Variants in ZNF529 observed in about 807,000 individuals in gnomAD.
The protein encoded by ZNF529 is zinc finger protein 529.
Under a neutral mutation model 10.1 loss-of-function variants are expected in ZNF529, and 11 were observed. The ratio of observed to expected loss-of-function variants is 1.09; its 90% CI spans 0.69 to 1.81. The LOEUF (loss-of-function observed/expected upper bound fraction) is 1.81, where lower values mean the gene tolerates loss of function less well. Ranked by LOEUF, ZNF529 falls within the 40% of genes most tolerant of loss-of-function variation. ZNF529 has a pLI of 0.00. For missense variants in ZNF529, 624 were observed against 666.8 expected, an observed-to-expected ratio of 0.94 and a Z score of 0.71; for synonymous variants, 204 against 215.7, an observed-to-expected ratio of 0.95 and a Z score of 0.47.
Position 36,548,114 on chromosome 19 carries a change from A to G in ZNF529, c.444T>C (p.Asn148=). The part of the protein sequence containing the change: ...YFSQMKIISE[N]VPSYKTHESL... The stretch of plus-strand genomic sequence containing the variant: ...ATTCATGAGTTTTGTAACTGGGCAC[A>G]TTTTCAGAGATGATTTTCATTTGAC... The change falls in exon 5 of 5, where the codon AAT becomes AAC. Residue 148 remains asparagine, a synonymous_variant. Coordinates refer to ENST00000591340, the MANE Select transcript of ZNF529 (RefSeq NM_020951.5). The G allele has an allele frequency of 1.2e-5, 19 of 1,613,852 alleles. No individual in the cohort carries two copies. The highest frequency in any genetic ancestry group is 1.6e-5 in the Non-Finnish European group (19 of 1,179,844).
chr19:36,550,326 T>C (rs2035212411), intron 4 of ZNF529, among the ~76,000 whole-genome samples: 1 of 152,138 alleles, frequency 6.6e-6, no homozygotes, highest in Admixed American at 6.5e-5. Context: ...GCGGATCACT[T>C]GAGGTCAGTA....
At chr19:36,575,912 C>T (rs1232382799), upstream of ZNF529, among the ~76,000 whole-genome samples, 2 of 151,754 alleles carry the variant, frequency 1.3e-5, no homozygotes, top group East Asian at 1.9e-4. Context: ...GCAATGGCGT[C>T]GTCTTGGCTC....
rs1346842601 is a variant in ZNF529 at position 36,573,123 on chromosome 19, T to C, written c.-47+17A>G. ...ACACACACACACCACAATGACGTCG[T>C]AAACAATAGCACTAACCACCATCGT... is the stretch of plus-strand genomic sequence containing the variant. On this transcript the variant is annotated intron_variant, in intron 1 of 4. Transcript: ENST00000591340. The C allele has an allele frequency of 8.0e-6, 2 of 251,458 alleles. No homozygotes were observed. The highest frequency in any genetic ancestry group is 1.7e-5 in the Non-Finnish European group (2 of 120,024). The allele number at this position is 251,458 out of a possible 1,614,324, so 15.6% of individuals were successfully genotyped here. A position where few individuals can be genotyped will look rare whatever the true frequency, so the allele number is the denominator to read the frequency against.
At chr19:36,596,334 G>A (rs2036840777) in intron 1 of ZNF529, among the ~76,000 whole-genome samples, 2 of 151,520 alleles carry the variant, frequency 1.3e-5, no homozygotes, top group South Asian at 4.2e-4. Context: ...AGCCTCCTAA[G>A]GTGCTGGGAT....
intron 2 of ZNF529, among the ~76,000 whole-genome samples, chr19:36,568,549 G>A (rs1040646045): frequency 4.7e-5 from 7 of 150,212 alleles, no homozygotes; most frequent in African/African-American, 1.5e-4. Flanking sequence ...TCGGCTCACT[G>A]CAACCTCTGC....
chr19:36,578,546 C>T (rs2036391456), intron 2 of ZNF529, among the ~76,000 whole-genome samples: 1 of 151,298 alleles, frequency 6.6e-6, no homozygotes, highest in Non-Finnish European at 1.5e-5. Flanking sequence ...ACCTTGTGAT[C>T]CCCCCGCCTC....
intron 1 of ZNF529, among the ~76,000 whole-genome samples, chr19:36,598,069 A>G (rs1437773683): frequency 6.6e-6 from 1 of 152,220 alleles, no homozygotes; most frequent in African/African-American, 2.4e-5. Flanking sequence ...AAGCGGGTAT[A>G]AAGTTGGTCA....
chr19:36,558,377 T>C (rs1045128550), intron 2 of ZNF529, among the ~76,000 whole-genome samples: 2 of 151,994 alleles, frequency 1.3e-5, no homozygotes, highest in African/African-American at 4.8e-5. Context: ...AGATGCATCA[T>C]TATAAAAGCA....
At chr19:36,560,047 T>C (rs1302836517) in intron 2 of ZNF529, among the ~76,000 whole-genome samples, 1 of 151,670 alleles carries the variant, frequency 6.6e-6, no homozygotes, top group Non-Finnish European at 1.5e-5. Flanking sequence ...TCCCCTGAGG[T>C]TGGGAGTTCG....
chr19:36,586,340 C>G (rs1223186799), intron 2 of ZNF529, among the ~76,000 whole-genome samples: 1 of 152,038 alleles, frequency 6.6e-6, no homozygotes, highest in Non-Finnish European at 1.5e-5. Flanking sequence ...GGCGCGGTGG[C>G]TCACCCTTGT....
At chr19:36,590,424 T>G (rs1370496811) in intron 1 of ZNF529, among the ~76,000 whole-genome samples, 4 of 151,980 alleles carry the variant, frequency 2.6e-5, no homozygotes, top group Non-Finnish European at 4.4e-5. Flanking sequence ...ATTTGTGGAA[T>G]GGAGTTAAAG....
At chr19:36,598,327 T>G (rs2036872027) in intron 1 of ZNF529, among the ~76,000 whole-genome samples, 1 of 151,998 alleles carries the variant, frequency 6.6e-6, no homozygotes, top group Admixed American at 6.6e-5. Context: ...CTAGGCAACA[T>G]AGTGAGACTC....
In ZNF529 at chr19:36,572,483, C is replaced by A. The variant is rs1325240232; in HGVS notation, c.-46-91G>T. ...CACCACCAGAAAAGCCCATCACACA[C>A]AACAAACACACCCAGATCGAAGAGG... On this transcript the variant is annotated intron_variant, in intron 1 of 4. Coordinates refer to ENST00000591340, the MANE Select transcript of ZNF529 (RefSeq NM_020951.5). 30 of 957,466 alleles carry A rather than the reference C, an allele frequency of 3.1e-5. No homozygotes were observed. The East Asian group carries it at 6.1e-4, about 19-fold the overall frequency. 59.3% of individuals were successfully genotyped at this position (957,466 alleles called of 1,614,324 possible).
chr19:36,547,732 GA>G lies in ZNF529; in HGVS notation c.825del (p.His276MetfsTer134). ...RVGKVTPLQR[V>X]HDGEKHFECS... is the part of the protein sequence containing the mutation. ...CATTCAAAGTGTTTCTCACCATCATGAACTCTTTGAAGTGGAGTAACTTTTC... is the reference window on the plus strand; with the variant it reads ...CATTCAAAGTGTTTCTCACCATCATGACTCTTTGAAGTGGAGTAACTTTTC... On this transcript the variant is annotated frameshift_variant, in exon 5 of 5. Coordinates refer to ENST00000591340, the MANE Select transcript of ZNF529 (RefSeq NM_020951.5). LOFTEE classifies it low-confidence loss of function (END_TRUNC). 1 of 1,613,810 alleles carries G rather than the reference GA, an allele frequency of 6.2e-7. No individual in the cohort carries two copies. Among genetic ancestry groups the G allele is most frequent in the Non-Finnish European group, 8.5e-7 (1 of 1,179,816 alleles).
At chr19:36,591,469 C>T (rs2036712671) in intron 1 of ZNF529, among the ~76,000 whole-genome samples, 2 of 152,016 alleles carry the variant, frequency 1.3e-5, no homozygotes, top group African/African-American at 4.8e-5. Context: ...CCTGTAATCC[C>T]AGCACTTTGG....
In ZNF529 at chr19:36,597,248, T is replaced by C. The variant is rs79049294; in HGVS notation, c.-127-7547A>G. On this transcript the variant is annotated intron_variant, in intron 1 of 4. Transcript: ENST00000585960. The stretch of plus-strand genomic sequence containing the variant: ...ATGTAAATTACTAATTTAATTACTA[T>C]GTTGGAGGTAAGTTCATCAACATTT... Among the ~76,000 whole-genome samples, 666 of 152,374 alleles carry C rather than the reference T, an allele frequency of 4.4e-3. 5 individuals are homozygous for C. Among genetic ancestry groups the C allele is most frequent in the African/African-American group, 0.015 (627 of 41,588 alleles).
intron 4 of ZNF529, among the ~76,000 whole-genome samples, chr19:36,553,718 G>C (rs2035351121): frequency 6.6e-6 from 1 of 152,090 alleles, no homozygotes; most frequent in Non-Finnish European, 1.5e-5. Flanking sequence ...AGGCAGGTAA[G>C]AATATAAAGT....
intron 1 of ZNF529, among the ~76,000 whole-genome samples, chr19:36,592,629 G>A (rs1338258198): frequency 6.6e-6 from 1 of 151,342 alleles, no homozygotes; most frequent in African/African-American, 2.4e-5. Context: ...AAAAGAAAAT[G>A]GTAGCAAATT....
chr19:36,597,125 C>G (rs1356358519), intron 1 of ZNF529, among the ~76,000 whole-genome samples: 1 of 152,158 alleles, frequency 6.6e-6, no homozygotes, highest in Non-Finnish European at 1.5e-5. Flanking sequence ...TCCCATCTCA[C>G]CCCTCAAATG....
Sources: allele counts gnomAD v4.1 joint callset (sites outside exome capture counted in the v4.1 genomes callset), GRCh38; gene constraint gnomAD v4.1.1; transcripts MANE v1.5; gene names NCBI Gene and HGNC (gene_info 2026-07-23, HGNC 2026-07-21).